The following MPPED1 variants were observed in gnomAD, a reference collection of about 807,000 sequenced individuals.
MPPED1 encodes the protein metallophosphoesterase domain-containing protein 1.
MPPED1 carries 16 observed loss-of-function variants against 36.2 expected under a neutral mutation model. The observed-to-expected ratio is 0.44, with a 90% CI of 0.30 to 0.67. The LOEUF (loss-of-function observed/expected upper bound fraction) is 0.67. Ranked by LOEUF, MPPED1 falls within the 30% of genes least tolerant of loss-of-function variation. MPPED1 has a pLI of 0.10. For missense variants in MPPED1, 307 were observed against 453.4 expected (o/e 0.68, Z 2.93); for synonymous variants, 199 against 191.3 (o/e 1.04, Z -0.33).
At chr22:43,466,918 G>A (rs923507593) in intron 3 of MPPED1, among the ~76,000 whole-genome samples, 4 of 152,172 alleles carry the variant, frequency 2.6e-5, no homozygotes, top group African/African-American at 4.8e-5. Flanking sequence ...ATGGTGGAGC[G>A]TGGCTTGCGT....
intron 3 of MPPED1, among the ~76,000 whole-genome samples, chr22:43,463,823 CTTTCTTTCTT>C (rs1931050247): frequency 1.3e-5 from 1 of 77,868 alleles, no homozygotes; most frequent in Non-Finnish European, 2.8e-5. Context: ...TTCTTTCTTT[CTTTCTTTCTT>C]TCTTTCTTTC....
Position 43,474,989 on chromosome 22 carries a change from C to A in MPPED1, c.632+28C>A. On this transcript the variant is annotated intron_variant, in intron 4 of 6. Coordinates refer to ENST00000443721, the MANE Select transcript of MPPED1 (RefSeq NM_001044370.2). The surrounding 1 kb of genome is among the most constrained non-coding windows in gnomAD (Gnocchi z 5.2). ...GAGTGGGCCTGGGTGCTGGTCCTGC[C>A]TGCTGGTGAGACCAGAGCTGAGGCT... 1 of 1,607,562 alleles carries A rather than the reference C, an allele frequency of 6.2e-7. No homozygotes were observed. The highest frequency in any genetic ancestry group is 8.5e-7 in the Non-Finnish European group (1 of 1,174,748).
chr22:43,496,062 A>T (rs1463797396), intron 4 of MPPED1, among the ~76,000 whole-genome samples: 6 of 22,822 alleles, frequency 2.6e-4, no homozygotes, highest in Non-Finnish European at 1.8e-4. Flanking sequence ...GTGATGGTGG[A>T]GGTGGTGGTG....
intron 2 of MPPED1, among the ~76,000 whole-genome samples, chr22:43,432,545 A>ATAAAGGGAGGAGAGAG (rs1929752705): frequency 3.5e-5 from 2 of 57,338 alleles, no homozygotes; most frequent in Admixed American, 4.4e-4. Context: ...GGAGGAGAGA[A>ATAAAGGGAGGAGAGAG]AGAAAGGGAG....
chr22:43,413,859 G>A (rs766454918), intron 1 of MPPED1, among the ~76,000 whole-genome samples: 13 of 152,228 alleles, frequency 8.5e-5, no homozygotes, highest in Admixed American at 2.0e-4. Context: ...GTTCGGAAGT[G>A]TTTCAGTGTG....
chr22:43,433,066 G>A (rs73167912), intron 2 of MPPED1, among the ~76,000 whole-genome samples: 5 of 151,308 alleles, frequency 3.3e-5, no homozygotes, highest in African/African-American at 1.2e-4. Context: ...AGCTGTGTGT[G>A]GGGGGGCGGC....
chr22:43,444,358 A>G (rs1601963598), intron 3 of MPPED1, among the ~76,000 whole-genome samples: 2 of 128,086 alleles, frequency 1.6e-5, no homozygotes, highest in Admixed American at 1.6e-4. Context: ...TTTTCTTTCT[A>G]TCTATCTTTT....
In MPPED1 at chr22:43,506,664, C is replaced by T. The variant is rs987768327; in HGVS notation, c.*1048C>T. 2.6e-5 allele frequency: 4 copies of T among 152,164 alleles called. No individual in the cohort carries two copies. The highest frequency in any genetic ancestry group is 3.2e-3 in the Middle Eastern group (1 of 316). 9.4% of individuals were successfully genotyped at this position (152,164 alleles called of 1,614,324 possible). A position where few individuals can be genotyped will look rare whatever the true frequency, so the allele number is the denominator to read the frequency against. On this transcript the variant is annotated 3_prime_UTR_variant, in exon 7 of 7. Transcript: ENST00000443721. ...CGGCCCTGTGAATTGGAGGGTGGCA[C>T]AGGGACCGAGCGGGCCCCAGGCTCC...
At chr22:43,426,504 G>A (rs1929478417) in intron 2 of MPPED1, among the ~76,000 whole-genome samples, 1 of 152,174 alleles carries the variant, frequency 6.6e-6, no homozygotes, top group African/African-American at 2.4e-5. Context: ...CGCCTCTGGG[G>A]CTGTGATCTC....
chr22:43,493,383 C>T (rs1305778351), intron 4 of MPPED1, among the ~76,000 whole-genome samples: 2 of 152,230 alleles, frequency 1.3e-5, no homozygotes, highest in African/African-American at 4.8e-5. Flanking sequence ...CCCCACGGAA[C>T]AGTGCATGGC....
Position 43,505,888 on chromosome 22 carries a change from T to C in MPPED1, c.*272T>C. On this transcript the variant is annotated 3_prime_UTR_variant, in exon 7 of 7. Coordinates refer to ENST00000443721, the MANE Select transcript of MPPED1 (RefSeq NM_001044370.2). Reference sequence around the variant, plus strand: ...AAAGGACCTACTAAGCTCATGGCCCTGTCATGTTTGGGAAATGACTAAATC... The same window carrying C: ...AAAGGACCTACTAAGCTCATGGCCCCGTCATGTTTGGGAAATGACTAAATC... 1 of 380,362 alleles carries C rather than the reference T, an allele frequency of 2.6e-6. No individual in the cohort carries two copies. 23.6% of individuals were successfully genotyped at this position (380,362 alleles called of 1,614,324 possible). A position where few individuals can be genotyped will look rare whatever the true frequency, so the allele number is the denominator to read the frequency against.
chr22:43,468,559 C>T (rs1018843595), intron 3 of MPPED1, among the ~76,000 whole-genome samples: 1 of 152,228 alleles, frequency 6.6e-6, no homozygotes, highest in African/African-American at 2.4e-5. Context: ...AGTCCTAGCT[C>T]TCTCCACTGT....
Position 43,466,493 on chromosome 22 carries a change from G to T in MPPED1, c.407-8243G>T, listed in dbSNP as rs549354556. On this transcript the variant is annotated intron_variant, in intron 3 of 6. Coordinates refer to ENST00000443721, the MANE Select transcript of MPPED1 (RefSeq NM_001044370.2). ...AGCGTTAATCTTCCTGAATAGCCCC[G>T]AAATGCAATGAAAATGGCTAACATC... Among the ~76,000 whole-genome samples the T allele has an allele frequency of 3.3e-5, 5 of 152,326 alleles. No individual in the cohort carries two copies. The South Asian group carries it at 8.3e-4, about 25-fold the overall frequency.
intron 3 of MPPED1, among the ~76,000 whole-genome samples, chr22:43,467,301 G>A (rs1247890831): frequency 6.6e-6 from 1 of 152,238 alleles, no homozygotes; most frequent in African/African-American, 2.4e-5. Flanking sequence ...GCAGTGCCTG[G>A]ACAGGGCGCT....
chr22:43,443,442 C>G (rs1930223020), intron 3 of MPPED1, among the ~76,000 whole-genome samples: 1 of 152,116 alleles, frequency 6.6e-6, no homozygotes, highest in African/African-American at 2.4e-5. Flanking sequence ...CAGGGTAGCT[C>G]AGGCTGGACC....
chr22:43,425,696 T>A (rs1929444043), intron 2 of MPPED1, among the ~76,000 whole-genome samples: 1 of 152,254 alleles, frequency 6.6e-6, no homozygotes, highest in South Asian at 2.1e-4. Flanking sequence ...ACAAGCCCCA[T>A]GGCAGGTTAG....
chr22:43,468,336 G>A (rs776753702), intron 3 of MPPED1, among the ~76,000 whole-genome samples: 5 of 152,228 alleles, frequency 3.3e-5, no homozygotes, highest in Non-Finnish European at 2.9e-5. Flanking sequence ...AGGGCTTGTG[G>A]CAGAGGCTGG....
chr22:43,431,103 G>A (rs1340147816), intron 2 of MPPED1, among the ~76,000 whole-genome samples: 1 of 124,494 alleles, frequency 8.0e-6, no homozygotes, highest in Non-Finnish European at 1.6e-5. Flanking sequence ...GTGCAGTGGT[G>A]CGATCTCAGC....
intron 3 of MPPED1, among the ~76,000 whole-genome samples, chr22:43,453,900 T>A (rs967028128): frequency 3.1e-4 from 47 of 152,334 alleles, no homozygotes; most frequent in African/African-American, 1.1e-3. Context: ...CTCTGGAACT[T>A]TTTTGTCTTC....
Sources: allele counts gnomAD v4.1 joint callset (sites outside exome capture counted in the v4.1 genomes callset), GRCh38; gene constraint gnomAD v4.1.1; non-coding constraint Gnocchi (gnomAD v3.1); transcripts MANE v1.5; gene names NCBI Gene and HGNC (gene_info 2026-07-23, HGNC 2026-07-21).